DPH1: variants seen among roughly 807,000 people sequenced by gnomAD.
The protein encoded by DPH1 is 2-(3-amino-3-carboxypropyl)histidine synthase subunit 1.
A neutral mutation model predicts 55.3 loss-of-function variants in DPH1; 59 were observed. The observed-to-expected ratio is 1.07, with a 90% confidence interval of 0.87 to 1.33. DPH1 has a LOEUF of 1.33. DPH1 is among the 40% of genes most tolerant of loss of function. The pLI is 0.00. For missense variants in DPH1, 628 were observed against 584.8 expected, an observed-to-expected ratio of 1.07 and a Z score of -0.76; for synonymous variants, 238 against 235.5, an observed-to-expected ratio of 1.01 and a Z score of -0.10.
chr17:2,032,509 C>T (rs749300777), intron 1 of DPH1, among the ~76,000 whole-genome samples: 8 of 152,200 alleles, frequency 5.3e-5, no homozygotes, highest in Non-Finnish European at 1.0e-4. Flanking sequence ...CTGGGCCAAC[C>T]CCCTTGGTGT....
Position 2,033,837 on chromosome 17 carries a change from G to A in DPH1, c.273G>A (p.Leu91=). 2 of 1,613,906 alleles carry A rather than the reference G, an allele frequency of 1.2e-6. No individual in the cohort carries two copies. The highest frequency in any genetic ancestry group is 1.7e-6 in the Non-Finnish European group (2 of 1,180,026). The change falls in exon 3 of 13, where the codon TTG becomes TTA. Residue 91 remains leucine, a synonymous_variant. Coordinates refer to ENST00000263083, the MANE Select transcript of DPH1 (RefSeq NM_001383.6). ...TTGCCTGTACCATTGTGGATATCTT[G>A]GAAAGGTGAGGCTTGGGGCACTGGA... ...LLFACTIVDI[L]ERFTEAEVMV... is the part of the protein sequence containing the mutation.
At position 2,035,954 on chromosome 17, in the gene DPH1, G is replaced by T. The variant is rs887781376; in HGVS notation, c.279-16G>T. 6.2e-7 allele frequency: 1 copy of T among 1,613,462 alleles called. No homozygotes were observed. Among genetic ancestry groups the T allele is most frequent in the Non-Finnish European group, 8.5e-7 (1 of 1,179,820 alleles). On this transcript the variant is annotated splice_polypyrimidine_tract_variant and intron_variant, in intron 3 of 12. Coordinates refer to ENST00000263083, the MANE Select transcript of DPH1 (RefSeq NM_001383.6). Reference sequence around the variant, plus strand: ...CTGTGTCCCTGTCCCACCGTTCCCCGCCCCTGTGCCCGCAGGTTCACGGAG... The same window carrying T: ...CTGTGTCCCTGTCCCACCGTTCCCCTCCCCTGTGCCCGCAGGTTCACGGAG...
intron 1 of DPH1, 93 bp downstream of exon 1, chr17:2,030,323 C>T (rs1227870759): frequency 1.5e-6 from 2 of 1,374,140 alleles, no homozygotes; most frequent in East Asian, 5.3e-5. Context: ...ACGGCGGCGG[C>T]GCCTTTCTCC....
intron 9 of DPH1, 140 bp downstream of exon 9, chr17:2,040,745 C>A: frequency 1.1e-6 from 1 of 915,054 alleles, no homozygotes; most frequent in Non-Finnish European, 1.7e-6. Flanking sequence ...CCTGGGAGGG[C>A]TAACTGGGTC....
intron 12 of DPH1, 102 bp from the exon 13 acceptor site, chr17:2,042,503 T>TCTCC: frequency 6.9e-7 from 1 of 1,442,854 alleles, no homozygotes; most frequent in Non-Finnish European, 9.1e-7. Context: ...CTCGATTCCC[T>TCTCC]TTTTCTCTCT....
chr17:2,040,840 C>A (rs962050426), intron 9 of DPH1: 6 of 626,902 alleles, frequency 9.6e-6, no homozygotes, highest in Admixed American at 8.3e-5. Context: ...GTGGCTGACA[C>A]CTGCCCTGTA....
At chr17:2,035,590 C>A (rs999596511) in intron 3 of DPH1, among the ~76,000 whole-genome samples, 18 of 145,252 alleles carry the variant, frequency 1.2e-4, no homozygotes, top group South Asian at 4.3e-4. Context: ...ATGCCCACCA[C>A]AGCACTCAGC....
In DPH1 at chr17:2,042,847, C is replaced by T. The variant is rs776391489; in HGVS notation, c.*261C>T. The T allele has an allele frequency of 1.2e-6, 2 of 1,614,154 alleles. No homozygotes were observed. Among genetic ancestry groups the T allele is most frequent in the East Asian group, 2.2e-5 (1 of 44,886 alleles). Reference sequence around the variant, plus strand: ...AGGCGATCCCCGCTTCCCCTTGCCACGGTTTATCCTCTTGGTGTCTGGTTT... The same window carrying T: ...AGGCGATCCCCGCTTCCCCTTGCCATGGTTTATCCTCTTGGTGTCTGGTTT... On this transcript the variant is annotated 3_prime_UTR_variant, in exon 13 of 13. Transcript: ENST00000263083.
rs2067312794 is a variant in DPH1, at chr17:2,030,243, A to G, written c.61+13A>G. ...GGCCCTGGCAGAGGTGGGTGCTGGA[A>G]CGCTGCGCCCTCCAGACCTCGCATC... On this transcript the variant is annotated intron_variant, in intron 1 of 12. Transcript: ENST00000263083. 7.6e-6 allele frequency: 12 copies of G among 1,569,552 alleles called. No individual in the cohort carries two copies. In the Middle Eastern group the frequency reaches 5.6e-4, roughly 73 times the overall value.
rs774939632 is a variant in DPH1 at position 2,040,492 on chromosome 17, C to T, written c.907-13C>T. 1 of 1,614,176 alleles carries T rather than the reference C, an allele frequency of 6.2e-7. No individual in the cohort carries two copies. The highest frequency in any genetic ancestry group is 8.5e-7 in the Non-Finnish European group (1 of 1,180,040). On this transcript the variant is annotated splice_polypyrimidine_tract_variant and intron_variant, in intron 8 of 12. Coordinates refer to ENST00000263083, the MANE Select transcript of DPH1 (RefSeq NM_001383.6). ...GACCAGGTGACCCCCACCCTGCCTC[C>T]CTCTCCCAACAGCACCTGGAATCTC...
At chr17:2,042,001 C>T (rs1567549275) in intron 12 of DPH1, 126 bp downstream of exon 12, 8 of 1,487,828 alleles carry the variant, frequency 5.4e-6, no homozygotes, top group Non-Finnish European at 6.2e-6. Context: ...TGCTTCCGCT[C>T]GGGGAAAGAC....
At chr17:2,035,370 C>T (rs1203593763) in intron 3 of DPH1, among the ~76,000 whole-genome samples, 1 of 118,578 alleles carries the variant, frequency 8.4e-6, no homozygotes, top group African/African-American at 2.7e-5. Context: ...GTGCCTGGGT[C>T]CCCCCATCCT....
At chr17:2,042,469 C>G (rs945289979) in intron 12 of DPH1, 136 bp from the exon 13 acceptor site, 1 of 1,344,694 alleles carries the variant, frequency 7.4e-7, no homozygotes, top group Non-Finnish European at 9.8e-7. Flanking sequence ...CATTTCCCCC[C>G]TCTCATTTCC....
chr17:2,033,737 C>T, intron 2 of DPH1, 42 bp from the exon 3 acceptor site: 2 of 1,614,168 alleles, frequency 1.2e-6, no homozygotes, highest in Non-Finnish European at 1.7e-6. Flanking sequence ...CTTGCAGCCC[C>T]TTCCTAGCCC....
intron 1 of DPH1, among the ~76,000 whole-genome samples, chr17:2,031,109 T>G (rs1261977919): frequency 1.3e-5 from 2 of 152,206 alleles, no homozygotes; most frequent in African/African-American, 2.4e-5. Context: ...CCTGAAGAGA[T>G]AACGGGGTTG....
chr17:2,030,206 G>A lies in DPH1; in HGVS notation c.37G>A (p.Gly13Ser), dbSNP rs1304425280. 1.9e-6 allele frequency: 3 copies of A among 1,598,354 alleles called. No homozygotes were observed. Among genetic ancestry groups the A allele is most frequent in the Non-Finnish European group, 2.6e-6 (3 of 1,173,574 alleles). ...GGTCGTATCCGGGGCAGCGGAGCAG[G>A]GCGGCCGAGACGGCCCTGGCAGAGG... ...ALVVSGAAEQ[G>S]GRDGPGRGRA... is the part of the protein sequence containing the mutation. Residue 13 changes from glycine (G) to serine (S), a missense_variant, in exon 1 of 13, where the codon GGC becomes AGC. By Grantham distance (56) the Gly-to-Ser change is moderately conservative. Transcript: ENST00000263083.
At chr17:2,038,919 T>C (rs531606059) in intron 6 of DPH1, 142 of 152,288 alleles carry the variant, frequency 9.3e-4, no homozygotes, top group African/African-American at 3.3e-3. Context: ...GATTCTGCAT[T>C]ATGTAAATAG....
At chr17:2,040,885 C>G in intron 9 of DPH1, 1 of 640,070 alleles carries the variant, frequency 1.6e-6, no homozygotes, top group East Asian at 2.7e-5. Flanking sequence ...GATACTATCA[C>G]CAGTGAGCTG....
chr17:2,039,582 T>G, intron 6 of DPH1, 173 bp from the exon 7 acceptor site: 1 of 695,012 alleles, frequency 1.4e-6, no homozygotes, highest in Non-Finnish European at 2.5e-6. Flanking sequence ...TTTCACTGTG[T>G]TAGCCAGGAT....
Sources: gnomAD v4.1 joint callset for allele counts (sites outside exome capture counted in the v4.1 genomes callset) on GRCh38, gnomAD v4.1.1 for gene constraint, MANE v1.5 for transcripts, NCBI Gene and HGNC (gene_info 2026-07-23, HGNC 2026-07-21) for gene names.